ADAMTSL1: variants seen among roughly 807,000 people sequenced by gnomAD.
ADAMTSL1 encodes the protein ADAMTS like 1, also known as ADAMTS-like protein 1.
ADAMTSL1 carries 126 observed loss-of-function variants against 201.8 expected under a neutral mutation model. The observed-to-expected ratio is 0.62, with a 90% confidence interval of 0.54 to 0.72. The LOEUF is 0.72. Among genes scored for constraint, ADAMTSL1 ranks in the 30% least tolerant of loss-of-function variants. ADAMTSL1 has a pLI of 0.00. For missense variants in ADAMTSL1, 2,679 were observed against 2,277.8 expected (o/e 1.18, Z -3.59); for synonymous variants, 1,121 against 903.4 (o/e 1.24, Z -4.32).
chr9:18,125,662 G>A lies in ADAMTSL1; in HGVS notation c.88-38200G>A, dbSNP rs112885566. 6.9e-3 allele frequency among the ~76,000 whole-genome samples: 1,045 copies of A among 152,228 alleles called. 5 individuals carry two copies. Among genetic ancestry groups the A allele is most frequent in the Non-Finnish European group, 1.0e-2 (679 of 67,996 alleles). The stretch of plus-strand genomic sequence containing the variant: ...ATGTGGACCTCTAGTTGTCCCAACC[G>A]ACTTTGTTGAAGAAACTATTCTTTC... On this transcript the variant is annotated intron_variant, in intron 1 of 29. Coordinates refer to the ADAMTSL1 transcript ENST00000680146.
intron 1 of ADAMTSL1, among the ~76,000 whole-genome samples, chr9:18,497,578 C>G (rs1822595502): frequency 6.6e-6 from 1 of 152,080 alleles, no homozygotes; most frequent in Non-Finnish European, 1.5e-5. Context: ...AGTCTTATGA[C>G]AAAGCAGTTA....
At chr9:18,763,013 G>A (rs1264998746) in intron 16 of ADAMTSL1, among the ~76,000 whole-genome samples, 1 of 152,084 alleles carries the variant, frequency 6.6e-6, no homozygotes, top group East Asian at 1.9e-4. Context: ...TTTCTTTTGG[G>A]TATATACCCA....
At chr9:18,461,614 T>C (rs1280593110) in intron 2 of ADAMTSL1, among the ~76,000 whole-genome samples, 11 of 152,032 alleles carry the variant, frequency 7.2e-5, no homozygotes, top group African/African-American at 2.4e-4. Context: ...TATTCTAGAA[T>C]AAAGTTTAAA....
chr9:18,069,817 G>A (rs1012785998), intron 1 of ADAMTSL1, among the ~76,000 whole-genome samples: 6 of 152,184 alleles, frequency 3.9e-5, no homozygotes, highest in African/African-American at 1.4e-4. Flanking sequence ...TCTAAACTAT[G>A]GTAATGGCAT....
At chr9:18,290,781 G>GTTTTTTTTTGTTTTTTT (rs1587482001) in intron 2 of ADAMTSL1, among the ~76,000 whole-genome samples, 1 of 135,068 alleles carries the variant, frequency 7.4e-6, no homozygotes, top group Non-Finnish European at 1.6e-5. Context: ...TTTTTTGTGT[G>GTTTTTTTTTGTTTTTTT]TTTTTTTTTT....
intron 2 of ADAMTSL1, among the ~76,000 whole-genome samples, chr9:18,364,521 C>T (rs1836681701): frequency 6.6e-6 from 1 of 152,118 alleles, no homozygotes; most frequent in African/African-American, 2.4e-5. Flanking sequence ...CTTAACCAAA[C>T]TCACTAAACC....
chr9:18,049,077 TG>T (rs1821801781), intron 1 of ADAMTSL1, among the ~76,000 whole-genome samples: 1 of 152,188 alleles, frequency 6.6e-6, no homozygotes, highest in Admixed American at 6.5e-5. Flanking sequence ...GCTTTCTCTG[TG>T]TCTCTGCTCT....
intron 2 of ADAMTSL1, among the ~76,000 whole-genome samples, chr9:18,327,858 C>A (rs939013176): frequency 3.9e-5 from 6 of 152,164 alleles, no homozygotes; most frequent in African/African-American, 9.7e-5. Flanking sequence ...ACCAAGTTGG[C>A]TTTTCATTTA....
At chr9:18,842,964 C>G in intron 23 of ADAMTSL1, among the ~76,000 whole-genome samples, 1 of 152,140 alleles carries the variant, frequency 6.6e-6, no homozygotes. Flanking sequence ...ATACAGCACA[C>G]TGATGGGTCT....
At chr9:18,038,602 G>A (rs528052055) in intron 1 of ADAMTSL1, among the ~76,000 whole-genome samples, 4 of 152,284 alleles carry the variant, frequency 2.6e-5, no homozygotes, top group African/African-American at 9.6e-5. Context: ...ACAGAAAAGC[G>A]GGAAAACAGA....
At chr9:18,876,331 C>A (rs7869332) in intron 23 of ADAMTSL1, among the ~76,000 whole-genome samples, 3 of 133,464 alleles carry the variant, frequency 2.2e-5, no homozygotes, top group East Asian at 2.7e-4. Context: ...TGTGTGTGTG[C>A]GTGATTGTTT....
At chr9:18,729,240 T>G (rs952606721) in intron 15 of ADAMTSL1, among the ~76,000 whole-genome samples, 1 of 152,190 alleles carries the variant, frequency 6.6e-6, no homozygotes, top group African/African-American at 2.4e-5. Flanking sequence ...CCTTTCCAGC[T>G]CTAATATTCT....
At chr9:18,350,838 C>T (rs1048902146) in intron 2 of ADAMTSL1, among the ~76,000 whole-genome samples, 17 of 152,118 alleles carry the variant, frequency 1.1e-4, no homozygotes, top group African/African-American at 4.1e-4. Context: ...GAAAACTTTA[C>T]TAGTCTCAAG....
chr9:18,335,069 A>T (rs905581925), intron 2 of ADAMTSL1, among the ~76,000 whole-genome samples: 1 of 152,188 alleles, frequency 6.6e-6, no homozygotes, highest in African/African-American at 2.4e-5. Context: ...TACGTAAGGC[A>T]TTATGAAACT....
At chr9:18,737,633 G>T (rs1473898863) in intron 15 of ADAMTSL1, among the ~76,000 whole-genome samples, 1 of 152,304 alleles carries the variant, frequency 6.6e-6, no homozygotes, top group Admixed American at 6.5e-5. Context: ...GCTGAAAGAT[G>T]TGTCTAGAAT....
intron 1 of ADAMTSL1, among the ~76,000 whole-genome samples, chr9:17,918,976 G>C (rs1346127901): frequency 6.6e-6 from 1 of 151,376 alleles, no homozygotes; most frequent in African/African-American, 2.4e-5. Flanking sequence ...TTTGCCTTTG[G>C]CTATATTAAT....
chr9:18,770,520 C>T (rs1588077069), intron 16 of ADAMTSL1, 82 bp from the exon 17 acceptor site: 6 of 1,373,244 alleles, frequency 4.4e-6, no homozygotes, highest in Admixed American at 2.6e-5. Context: ...CTTTACTCTG[C>T]CAAATTAAGA....
intron 2 of ADAMTSL1, among the ~76,000 whole-genome samples, chr9:18,442,454 A>G (rs1054374758): frequency 4.6e-5 from 7 of 152,228 alleles, no homozygotes; most frequent in Non-Finnish European, 8.8e-5. Context: ...GGGAGTTATT[A>G]AAATTCAAAG....
chr9:18,549,297 A>T (rs1458455584), intron 3 of ADAMTSL1, among the ~76,000 whole-genome samples: 1 of 152,020 alleles, frequency 6.6e-6, no homozygotes, highest in Admixed American at 6.6e-5. Flanking sequence ...GTCATAATGG[A>T]GTGTAAAAGA....
Sources: gnomAD v4.1 joint callset for allele counts (sites outside exome capture counted in the v4.1 genomes callset) on GRCh38, gnomAD v4.1.1 for gene constraint, MANE v1.5 for transcripts, NCBI Gene and HGNC (gene_info 2026-07-23, HGNC 2026-07-21) for gene names.